GAL: variants seen among roughly 807,000 people sequenced by gnomAD.
GAL encodes galanin and GMAP prepropeptide.
GAL carries 14 observed loss-of-function variants against 15.8 expected under a neutral mutation model. The ratio of observed to expected loss-of-function variants is 0.89; its 90% CI spans 0.59 to 1.39. The LOEUF is 1.39. Among genes scored for constraint, GAL ranks in the 40% most tolerant of loss-of-function variants. The probability of loss-of-function intolerance (pLI) is 0.00; values close to 1 mark genes in which losing one functional copy is unlikely to be tolerated. For synonymous variants in GAL, 79 were observed against 73.8 expected, an observed-to-expected ratio of 1.07 and a Z score of -0.36; for missense variants, 176 against 170.4, an observed-to-expected ratio of 1.03 and a Z score of -0.18.
chr11:68,688,214 C>A, intron 4 of GAL, 114 bp downstream of exon 4: 3 of 704,554 alleles, frequency 4.3e-6, no homozygotes, highest in Admixed American at 2.2e-5. Context: ...CCAAGCCTGG[C>A]CATGACTTGA....
Position 68,688,890 on chromosome 11 carries a change from A to G in GAL, c.265A>G (p.Thr89Ala). 6.4e-7 allele frequency: 1 copy of G among 1,570,244 alleles called. No individual in the cohort carries two copies. ...RSIPENNIMR[T>A]IIEFLSFLHL... ...CATACCTGAAAACAATATCATGCGC[A>G]CAATCATTGAGTTTCTGTCTTTCTT... is the stretch of plus-strand genomic sequence containing the variant. Residue 89 changes from threonine (T) to alanine (A), a missense_variant, in exon 5 of 6, where the codon ACA (threonine) becomes GCA (alanine). Coordinates refer to ENST00000265643, the MANE Select transcript of GAL (RefSeq NM_015973.5).
Position 68,688,810 on chromosome 11 carries a change from C to T in GAL, c.224-39C>T, listed in dbSNP as rs1409691486. The T allele has an allele frequency of 3.0e-6, 3 of 996,346 alleles. No homozygotes were observed. The Admixed American group carries it at 5.1e-5, about 17-fold the overall frequency. The allele number at this position is 996,346 out of a possible 1,614,324, so 61.7% of individuals were successfully genotyped here. A position where few individuals can be genotyped will look rare whatever the true frequency, so the allele number is the denominator to read the frequency against. Reference sequence around the variant, plus strand: ...GGATGACCTGAGACACTGAAGCACCCTCTGCACAAGTCGTGAATGTTGATC... The same window carrying T: ...GGATGACCTGAGACACTGAAGCACCTTCTGCACAAGTCGTGAATGTTGATC... On this transcript the variant is annotated intron_variant, in intron 4 of 5. Transcript: ENST00000265643.
chr11:68,687,338 C>T (rs1045580325), intron 3 of GAL, among the ~76,000 whole-genome samples: 1 of 152,104 alleles, frequency 6.6e-6, no homozygotes, highest in Non-Finnish European at 1.5e-5. Context: ...TGGTTTACAG[C>T]CTTCATCGTT....
At position 68,690,951 on chromosome 11, in the gene GAL, CG is replaced by C. The variant is rs1566304473; in HGVS notation, c.337del (p.Ala113ProfsTer23). The C allele has an allele frequency of 1.9e-6, 3 of 1,613,346 alleles. No individual in the cohort carries two copies. Among genetic ancestry groups the C allele is most frequent in the Non-Finnish European group, 2.5e-6 (3 of 1,179,556 alleles). On this transcript the variant is annotated frameshift_variant, in exon 6 of 6. Coordinates refer to ENST00000265643, the MANE Select transcript of GAL (RefSeq NM_015973.5). LOFTEE classifies it low-confidence loss of function (END_TRUNC). ...GALDRLLDLP[A>X]AASSEDIERS ...CCCTCGACCGCCTCCTGGATCTCCCCGCCGCAGCCTCCTCAGAAGACATCGA... is the reference window on the plus strand; with the variant it reads ...CCCTCGACCGCCTCCTGGATCTCCCCCCGCAGCCTCCTCAGAAGACATCGA...
intron 3 of GAL, among the ~76,000 whole-genome samples, chr11:68,686,743 C>T (rs1945857250): frequency 6.6e-6 from 1 of 152,194 alleles, no homozygotes. Context: ...GCCTGACCTG[C>T]CTGAGGGTCG....
intron 2 of GAL, 98 bp downstream of exon 2, chr11:68,685,102 G>T (rs1945838851): frequency 5.0e-6 from 4 of 792,364 alleles, no homozygotes; most frequent in Admixed American, 4.3e-5. Flanking sequence ...CTGCCCGCGG[G>T]GATGGGGGTG....
chr11:68,689,329 T>C (rs1377582098), intron 5 of GAL, among the ~76,000 whole-genome samples: 4 of 152,118 alleles, frequency 2.6e-5, no homozygotes, highest in Admixed American at 2.6e-4. Flanking sequence ...CTGTCTTTTC[T>C]TTCTCTTCTC....
At position 68,691,032 on chromosome 11, in the gene GAL, A is replaced by T. The variant is rs1419644802; in HGVS notation, c.*45A>T. The T allele has an allele frequency of 1.3e-5, 16 of 1,199,866 alleles. No homozygotes were observed. The highest frequency in any genetic ancestry group is 1.9e-4 in the Middle Eastern group (1 of 5,324). 74.3% of individuals were successfully genotyped at this position (1,199,866 alleles called of 1,614,324 possible). On this transcript the variant is annotated 3_prime_UTR_variant, in exon 6 of 6. Coordinates refer to ENST00000265643, the MANE Select transcript of GAL (RefSeq NM_015973.5). ...GTCTGTGTGCTGTAACCTGAAGTCA[A>T]ACCTTAAGATAATGGATAATCTTCG...
chr11:68,686,928 C>T (rs1407430980), intron 3 of GAL, among the ~76,000 whole-genome samples: 1 of 152,198 alleles, frequency 6.6e-6, no homozygotes, highest in Non-Finnish European at 1.5e-5. Flanking sequence ...AATTAGAAAA[C>T]AAACTCATTT....
chr11:68,684,866 G>A (rs1945834368), intron 1 of GAL, 58 bp from the exon 2 acceptor site: 1 of 1,081,414 alleles, frequency 9.2e-7, no homozygotes. Flanking sequence ...GGCACTCCTT[G>A]CCTCGGGGCG....
chr11:68,685,687 C>A (rs1181935333), intron 3 of GAL, 39 bp downstream of exon 3: 11 of 1,476,806 alleles, frequency 7.4e-6, no homozygotes, highest in Non-Finnish European at 9.5e-6. Context: ...CTCCTGACCC[C>A]ACCTGCCCCT....
At chr11:68,685,853 C>G (rs557564546) in intron 3 of GAL, among the ~76,000 whole-genome samples, 1 of 152,208 alleles carries the variant, frequency 6.6e-6, no homozygotes, top group Non-Finnish European at 1.5e-5. Flanking sequence ...CGCCCTGTCC[C>G]GGGGTGAGAT....
chr11:68,688,173 T>G (rs949155490), intron 4 of GAL, 73 bp downstream of exon 4: 2 of 944,236 alleles, frequency 2.1e-6, no homozygotes, highest in Admixed American at 1.7e-5. Context: ...AGGGGACAGC[T>G]GTGGGTGTCG....
intron 5 of GAL, 54 bp downstream of exon 5, chr11:68,688,980 A>G (rs189734268): frequency 6.9e-6 from 6 of 874,980 alleles, no homozygotes; most frequent in Non-Finnish European, 1.2e-5. Context: ...TGGAAACGTA[A>G]AAGGCCCATC....
At chr11:68,684,832 G>C in intron 1 of GAL, 92 bp from the exon 2 acceptor site, 1 of 752,898 alleles carries the variant, frequency 1.3e-6, no homozygotes, top group East Asian at 2.8e-5. Flanking sequence ...CCCGGCCGCC[G>C]CCTCTGCTCC....
intron 5 of GAL, among the ~76,000 whole-genome samples, chr11:68,689,354 CTTCT>C (rs1216742914): frequency 1.3e-5 from 2 of 150,540 alleles, no homozygotes; most frequent in East Asian, 1.9e-4. Context: ...TTCTTTCTTT[CTTCT>C]TTCTCTTCCT....
chr11:68,685,063 A>C, intron 2 of GAL, 59 bp downstream of exon 2: 1 of 1,177,648 alleles, frequency 8.5e-7, no homozygotes, highest in Admixed American at 2.0e-5. Context: ...CCGGGCGTGG[A>C]GGGCTTCCTG....
At chr11:68,689,820 T>G (rs1945888719) in intron 5 of GAL, among the ~76,000 whole-genome samples, 1 of 152,258 alleles carries the variant, frequency 6.6e-6, no homozygotes, top group African/African-American at 2.4e-5. Flanking sequence ...GCTCTGATCC[T>G]GGCTTCCAGT....
In GAL at chr11:68,684,975, C is replaced by A; in HGVS notation, c.52C>A (p.Leu18Ile). The change falls in exon 2 of 6, where the codon CTT becomes ATT. Residue 18 changes from leucine (L) to isoleucine (I), a missense_variant. Transcript: ENST00000265643. ...LLASLLLAAA[L>I]SASAGLWSPA... is the part of the protein sequence containing the mutation. ...CGCCTCCCTCCTCCTCGCCGCGGCCCTTTCTGCCTCTGCGGGGCTCTGGTC... is the reference window on the plus strand; with the variant it reads ...CGCCTCCCTCCTCCTCGCCGCGGCCATTTCTGCCTCTGCGGGGCTCTGGTC... The A allele has an allele frequency of 6.2e-7, 1 of 1,607,168 alleles. No individual in the cohort carries two copies.
Sources: allele counts gnomAD v4.1 joint callset (sites outside exome capture counted in the v4.1 genomes callset), GRCh38; gene constraint gnomAD v4.1.1; transcripts MANE v1.5; gene names NCBI Gene and HGNC (gene_info 2026-07-23, HGNC 2026-07-21).